The following CARD14 variants were observed in gnomAD, a reference collection of about 807,000 sequenced individuals.
CARD14 encodes the protein caspase recruitment domain-containing protein 14.
Under a neutral mutation model 111.5 loss-of-function variants are expected in CARD14, and 107 were observed. The observed-to-expected ratio is 0.96, with a 90% confidence interval of 0.82 to 1.13. The LOEUF is 1.13. Ranked by LOEUF, CARD14 falls within the 50% of genes most tolerant of loss-of-function variation. CARD14 has a pLI of 0.00. For synonymous variants in CARD14, 617 were observed against 579.6 expected (o/e 1.06, Z -0.93); for missense variants, 1,322 against 1,362.3 (o/e 0.97, Z 0.47).
chr17:80,194,280 G>A (rs145475310), intron 12 of CARD14, among the ~76,000 whole-genome samples: 2 of 152,274 alleles, frequency 1.3e-5, no homozygotes, highest in Non-Finnish European at 2.9e-5. Context: ...GTCCACGGGT[G>A]CCCGTTGGTT....
chr17:80,204,639 AT>A (rs1304030388), intron 20 of CARD14: 13 of 333,474 alleles, frequency 3.9e-5, no homozygotes, highest in African/African-American at 1.3e-4. Flanking sequence ...AAAAAAAAAA[AT>A]TTCAGGAGAG....
At chr17:80,171,215 CTT>C (rs1567860998) in intron 1 of CARD14, among the ~76,000 whole-genome samples, 1 of 98,954 alleles carries the variant, frequency 1.0e-5, no homozygotes, top group Non-Finnish European at 2.2e-5. Context: ...CCCTTCCTTC[CTT>C]CCTTCCTTCC....
rs907728473 is a variant in CARD14, at chr17:80,187,383, C to T, written c.676-994C>T. ...GTTTGTGAGTCACTGTATCTTCGTTCTCTCTGTCCTTGTCTGTCTGTCTCT... is the reference window on the plus strand; with the variant it reads ...GTTTGTGAGTCACTGTATCTTCGTTTTCTCTGTCCTTGTCTGTCTGTCTCT... On this transcript the variant is annotated intron_variant, in intron 7 of 23. Coordinates refer to ENST00000648509, the MANE Select transcript of CARD14 (RefSeq NM_001366385.1). Among the ~76,000 whole-genome samples the T allele has an allele frequency of 2.6e-5, 4 of 152,358 alleles. No homozygotes were observed. The South Asian group carries it at 8.3e-4, about 32-fold the overall frequency.
rs114706038 is a variant in CARD14, at chr17:80,208,352, G to A, written c.*7G>A. On this transcript the variant is annotated 3_prime_UTR_variant, in exon 24 of 24. Transcript: ENST00000648509. ...GGAGCAGAGCCCCCGATGATGCACC[G>A]TGCCCCTTCCCGGGACTGTGGGGGC... 1.6e-3 allele frequency: 2,501 copies of A among 1,584,380 alleles called. 32 individuals carry two copies. The African/African-American group carries it at 0.029, about 19-fold the overall frequency.
rs763220303 is a variant in CARD14 at position 80,201,872 on chromosome 17, T to C, written c.1978+2T>C. 9 of 1,609,626 alleles carry C rather than the reference T, an allele frequency of 5.6e-6. No individual in the cohort carries two copies. The African/African-American group carries it at 9.4e-5, about 17-fold the overall frequency. On this transcript the variant is annotated splice_donor_variant, in intron 17 of 23. Coordinates refer to ENST00000648509, the MANE Select transcript of CARD14 (RefSeq NM_001366385.1). LOFTEE classifies it high-confidence loss of function. The surrounding 1 kb of genome is among the most constrained non-coding windows in gnomAD (Gnocchi z 5.0). Reference sequence around the variant, plus strand: ...TGTCTGTGAAGGTCAACACGGACGGTACACATACCACTCCTCTCGTGTGCA... The same window carrying C: ...TGTCTGTGAAGGTCAACACGGACGGCACACATACCACTCCTCTCGTGTGCA...
At chr17:80,185,886 G>A (rs968458689) in intron 7 of CARD14, among the ~76,000 whole-genome samples, 1 of 152,236 alleles carries the variant, frequency 6.6e-6, no homozygotes, top group African/African-American at 2.4e-5. Flanking sequence ...TGCACAGGGG[G>A]TGCTGGCCTG....
In CARD14 at chr17:80,188,791, C is replaced by G; in HGVS notation, c.843+247C>G. 3.4e-6 allele frequency: 1 copy of G among 295,454 alleles called. No homozygotes were observed. Among genetic ancestry groups the G allele is most frequent in the Non-Finnish European group, 6.1e-6 (1 of 163,866 alleles). 18.3% of individuals were successfully genotyped at this position (295,454 alleles called of 1,614,324 possible). ...TGGAACTGGGCACAGTGGCTCATTC[C>G]TGTAATCCCAGCACTTGGGAGGCCA... is the stretch of plus-strand genomic sequence containing the variant. On this transcript the variant is annotated intron_variant, in intron 8 of 23. Transcript: ENST00000648509. The surrounding 1 kb of genome is among the most constrained non-coding windows in gnomAD (Gnocchi z 4.5).
chr17:80,181,442 G>A lies in CARD14; in HGVS notation c.4G>A (p.Gly2Arg), dbSNP rs2040170988. 6.4e-7 allele frequency: 1 copy of A among 1,566,436 alleles called. No individual in the cohort carries two copies. Among genetic ancestry groups the A allele is most frequent in the African/African-American group, 1.4e-5 (1 of 73,802 alleles). ...AGGGTCCTCCCAGCGCCCAGCCATG[G>A]GGGAACTGTGCCGCAGGGACTCCGC... MGELCRRDSALT... is the reference protein window; with the variant it reads MRELCRRDSALT... Residue 2 changes from glycine to arginine, a missense_variant, in exon 5 of 24, where the codon GGG becomes AGG. Gly to Arg is a moderately radical substitution (Grantham distance 125). Coordinates refer to ENST00000648509, the MANE Select transcript of CARD14 (RefSeq NM_001366385.1).
At position 80,190,699 on chromosome 17, in the gene CARD14, GT is replaced by G. The variant is rs2040497497; in HGVS notation, c.964-73del. 1.1e-5 allele frequency: 17 copies of G among 1,574,360 alleles called. No individual in the cohort carries two copies. In the South Asian group the frequency reaches 1.8e-4, roughly 17 times the overall value. ...ACTGTCTCCCTCCCTCCACCCCTGG[GT>G]TCCCCGACCCCCTTCTAAGGCCAGA... On this transcript the variant is annotated intron_variant, in intron 9 of 23. Transcript: ENST00000648509.
At position 80,201,887 on chromosome 17, in the gene CARD14, T is replaced by C. The variant is rs1198880344; in HGVS notation, c.1978+17T>C. ...ACACGGACGGTACACATACCACTCC[T>C]CTCGTGTGCACAGCTGCCTGGCCAG... On this transcript the variant is annotated intron_variant, in intron 17 of 23. Coordinates refer to ENST00000648509, the MANE Select transcript of CARD14 (RefSeq NM_001366385.1). This position sits in a 1 kb window ranked among gnomAD's most constrained non-coding sequence, Gnocchi z 5.0. 8 of 1,600,130 alleles carry C rather than the reference T, an allele frequency of 5.0e-6. No individual in the cohort carries two copies. The African/African-American group carries it at 1.1e-4, about 21-fold the overall frequency.
Position 80,204,352 on chromosome 17 carries a change from G to T in CARD14, c.2398+11G>T, listed in dbSNP as rs1335535850. Reference sequence around the variant, plus strand: ...CCAGCAGGATGGAGGGTGAGGCCTGGTGAGCTGGCACAGGGGCCACTGGCT... The same window carrying T: ...CCAGCAGGATGGAGGGTGAGGCCTGTTGAGCTGGCACAGGGGCCACTGGCT... On this transcript the variant is annotated intron_variant, in intron 20 of 23. Transcript: ENST00000648509. The T allele has an allele frequency of 1.3e-6, 2 of 1,547,868 alleles. No individual in the cohort carries two copies. Among genetic ancestry groups the T allele is most frequent in the Non-Finnish European group, 1.8e-6 (2 of 1,139,798 alleles).
chr17:80,202,491 G>T (rs2041039168), intron 18 of CARD14, 71 bp downstream of exon 18: 1 of 1,561,970 alleles, frequency 6.4e-7, no homozygotes, highest in South Asian at 1.2e-5. Flanking sequence ...GCCTGCCTCG[G>T]CTTCCTCCTC....
intron 4 of CARD14, among the ~76,000 whole-genome samples, chr17:80,181,107 T>C (rs1313851467): frequency 6.9e-6 from 1 of 144,054 alleles, no homozygotes; most frequent in Non-Finnish European, 1.5e-5. Flanking sequence ...AAAAAAAGTA[T>C]TTATTTACTT....
Position 80,189,032 on chromosome 17 carries a change from A to G in CARD14, c.843+488A>G, listed in dbSNP as rs954848393. ...CGCCACTGCACTCCAGCCTGGCGACAGAGGGAGACCCTGTCTCAAACAAAC... is the reference window on the plus strand; with the variant it reads ...CGCCACTGCACTCCAGCCTGGCGACGGAGGGAGACCCTGTCTCAAACAAAC... On this transcript the variant is annotated intron_variant, in intron 8 of 23. Coordinates refer to ENST00000648509, the MANE Select transcript of CARD14 (RefSeq NM_001366385.1). The surrounding 1 kb of genome is among the most constrained non-coding windows in gnomAD (Gnocchi z 4.7). Among the ~76,000 whole-genome samples, 3 of 152,194 alleles carry G rather than the reference A, an allele frequency of 2.0e-5. No homozygotes were observed. Among genetic ancestry groups the G allele is most frequent in the African/African-American group, 4.8e-5 (2 of 41,452 alleles).
chr17:80,208,315 G>GGTGGT lies in CARD14; in HGVS notation c.2990_2994dup (p.Thr999CysfsTer25). 6.2e-7 allele frequency: 1 copy of GGTGGT among 1,605,982 alleles called. No homozygotes were observed. The highest frequency in any genetic ancestry group is 1.7e-4 in the Middle Eastern group (1 of 6,046). On this transcript the variant is annotated frameshift_variant, in exon 24 of 24. Transcript: ENST00000648509. LOFTEE classifies it high-confidence loss of function. ...AGGCCATCGCCGACGAGCAGAAGAA[G>GGTGGT]GTGGTGTGGACGGAGCAGAGCCCCC...
chr17:80,199,670 G>A (rs2040868618), intron 16 of CARD14, among the ~76,000 whole-genome samples: 1 of 150,640 alleles, frequency 6.6e-6, no homozygotes, highest in Non-Finnish European at 1.5e-5. Context: ...CCTGAGGTTA[G>A]GAGTTTGAGA....
At chr17:80,206,536 CG>C (rs2041321200) in intron 22 of CARD14, among the ~76,000 whole-genome samples, 1 of 152,206 alleles carries the variant, frequency 6.6e-6, no homozygotes, top group African/African-American at 2.4e-5. Context: ...GAGGCCGAGG[CG>C]GGCAGATCAC....
intron 23 of CARD14, 29 bp downstream of exon 23, chr17:80,207,114 G>T: frequency 1.9e-6 from 3 of 1,541,592 alleles, no homozygotes; most frequent in Non-Finnish European, 9.0e-7. Flanking sequence ...CTGGGCAGGG[G>T]CTTCGAAGCG....
intron 21 of CARD14, 100 bp from the exon 22 acceptor site, chr17:80,205,431 A>G (rs2041244011): frequency 6.8e-7 from 1 of 1,469,260 alleles, no homozygotes. Context: ...AGCTTCTCCC[A>G]GTGCTGGCAG....
Sources: gnomAD v4.1 joint callset for allele counts (sites outside exome capture counted in the v4.1 genomes callset) on GRCh38, gnomAD v4.1.1 for gene constraint, Gnocchi (gnomAD v3.1) non-coding constraint, MANE v1.5 for transcripts, NCBI Gene and HGNC (gene_info 2026-07-23, HGNC 2026-07-21) for gene names.